The following LINGO2 variants were observed in gnomAD, a reference collection of about 807,000 sequenced individuals.
LINGO2 encodes leucine-rich repeat and immunoglobulin-like domain-containing nogo receptor-interacting protein 2.
LINGO2 carries 14 observed loss-of-function variants against 30.6 expected under a neutral mutation model. The ratio of observed to expected loss-of-function variants is 0.46; its 90% confidence interval spans 0.30 to 0.72. The LOEUF (loss-of-function observed/expected upper bound fraction) is 0.72. LINGO2 is among the 30% of genes least tolerant of loss of function. The pLI is 0.07. For missense variants in LINGO2, 729 were observed against 751.7 expected, an observed-to-expected ratio of 0.97 and a Z score of 0.35; for synonymous variants, 317 against 288.5, an observed-to-expected ratio of 1.10 and a Z score of -1.00.
At chr9:28,779,451 A>G in the LINGO2 span, among the ~76,000 whole-genome samples, 2 of 152,100 alleles carry the variant, frequency 1.3e-5, no homozygotes, top group Admixed American at 6.6e-5. Context: ...ATGACTTCAT[A>G]TATTGCAAAA....
At chr9:28,976,094 G>C in the LINGO2 span, among the ~76,000 whole-genome samples, 2 of 152,140 alleles carry the variant, frequency 1.3e-5, no homozygotes, top group Admixed American at 6.5e-5. Context: ...TGTAGGCTGT[G>C]ATCCTCCTTT....
the LINGO2 span, among the ~76,000 whole-genome samples, chr9:28,766,613 ATC>A: frequency 1.3e-5 from 2 of 152,176 alleles, no homozygotes; most frequent in South Asian, 2.1e-4. Flanking sequence ...TCTCATAGAT[ATC>A]TCTGTTCTCC....
the LINGO2 span, among the ~76,000 whole-genome samples, chr9:29,124,200 C>T: frequency 0.061 from 9,233 of 152,244 alleles, 362 homozygotes; most frequent in Non-Finnish European, 0.091. Context: ...GGATAACTGA[C>T]TAGCCATATG....
chr9:28,385,433 G>T (rs1821539193), intron 2 of LINGO2, among the ~76,000 whole-genome samples: 1 of 152,104 alleles, frequency 6.6e-6, no homozygotes. Flanking sequence ...GTGTCAGTGG[G>T]GAGGGATTGC....
At chr9:28,552,217 A>G (rs1822323724) in intron 1 of LINGO2, among the ~76,000 whole-genome samples, 1 of 151,994 alleles carries the variant, frequency 6.6e-6, no homozygotes, top group South Asian at 2.1e-4. Context: ...ACCTGCCTAC[A>G]GCTGTCACCT....
At chr9:27,990,401 T>C (rs765966120) in intron 5 of LINGO2, among the ~76,000 whole-genome samples, 3 of 151,846 alleles carry the variant, frequency 2.0e-5, no homozygotes, top group Admixed American at 6.6e-5. Flanking sequence ...ACATTGGATA[T>C]ATTTTAGAAA....
intron 1 of LINGO2, among the ~76,000 whole-genome samples, chr9:28,653,523 AC>A (rs1250170125): frequency 5.9e-5 from 9 of 152,170 alleles, no homozygotes; most frequent in African/African-American, 1.7e-4. Flanking sequence ...ATCACAGGAT[AC>A]AAAAATTTAA....
At chr9:28,973,787 T>C in the LINGO2 span, among the ~76,000 whole-genome samples, 1 of 152,154 alleles carries the variant, frequency 6.6e-6, no homozygotes, top group African/African-American at 2.4e-5. Flanking sequence ...TAATAGTGTA[T>C]CCAGCAAAAA....
chr9:29,032,363 G>A, the LINGO2 span, among the ~76,000 whole-genome samples: 1 of 152,146 alleles, frequency 6.6e-6, no homozygotes, highest in East Asian at 1.9e-4. Flanking sequence ...TCCTTTATCT[G>A]CAAAATGACA....
the LINGO2 span, among the ~76,000 whole-genome samples, chr9:28,893,240 G>A: frequency 3.3e-5 from 5 of 151,662 alleles, no homozygotes; most frequent in East Asian, 1.9e-4. Context: ...AATTGGGACC[G>A]TATTACCCAT....
the LINGO2 span, among the ~76,000 whole-genome samples, chr9:29,081,862 A>T: frequency 1.3e-5 from 2 of 151,710 alleles, no homozygotes; most frequent in African/African-American, 2.4e-5. Context: ...CTAGGAATCC[A>T]ACTTATAAGG....
chr9:28,839,521 T>C, the LINGO2 span, among the ~76,000 whole-genome samples: 2 of 152,010 alleles, frequency 1.3e-5, no homozygotes, highest in Admixed American at 6.5e-5. Flanking sequence ...CTCCTATTTA[T>C]AGGCAGGTCG....
chr9:28,914,499 C>A, the LINGO2 span, among the ~76,000 whole-genome samples: 1 of 152,096 alleles, frequency 6.6e-6, no homozygotes, highest in Non-Finnish European at 1.5e-5. Flanking sequence ...AGAAAATCTA[C>A]AGATCAATAT....
chr9:28,997,362 C>T, the LINGO2 span, among the ~76,000 whole-genome samples: 2 of 152,150 alleles, frequency 1.3e-5, no homozygotes, highest in Non-Finnish European at 1.5e-5. Context: ...TTGTGTCAAC[C>T]ACTGGTCAAG....
the LINGO2 span, among the ~76,000 whole-genome samples, chr9:29,174,601 T>G: frequency 6.6e-6 from 1 of 152,244 alleles, no homozygotes; most frequent in South Asian, 2.1e-4. Flanking sequence ...TTCCCTTTTA[T>G]GTCTTATGGG....
the LINGO2 span, among the ~76,000 whole-genome samples, chr9:28,825,818 T>C: frequency 2.0e-5 from 3 of 152,154 alleles, no homozygotes; most frequent in Admixed American, 6.6e-5. Context: ...GTTCAGTTGA[T>C]TGGGAAAAGG....
At chr9:28,968,481 G>A in the LINGO2 span, among the ~76,000 whole-genome samples, 1 of 152,084 alleles carries the variant, frequency 6.6e-6, no homozygotes, top group Non-Finnish European at 1.5e-5. Flanking sequence ...ATGTTTACTT[G>A]TCTATCTTAC....
chr9:28,711,214 A>C, the LINGO2 span, among the ~76,000 whole-genome samples: 4 of 152,142 alleles, frequency 2.6e-5, no homozygotes, highest in Non-Finnish European at 5.9e-5. Flanking sequence ...TATGTGCTTA[A>C]TGCTAAGGAA....
intron 4 of LINGO2, among the ~76,000 whole-genome samples, chr9:28,184,861 C>G (rs963796124): frequency 6.6e-6 from 1 of 152,046 alleles, no homozygotes; most frequent in African/African-American, 2.4e-5. Context: ...GACCCAGGAG[C>G]CAAATATTCA....
Sources: gnomAD v4.1 joint callset for allele counts (sites outside exome capture counted in the v4.1 genomes callset) on GRCh38, gnomAD v4.1.1 for gene constraint, MANE v1.5 for transcripts, NCBI Gene and HGNC (gene_info 2026-07-23, HGNC 2026-07-21) for gene names.